Variants in CACNA1D observed in about 807,000 individuals in gnomAD.
CACNA1D encodes the protein calcium voltage-gated channel subunit alpha1 D, also known as voltage-dependent L-type calcium channel subunit alpha-1D.
In CACNA1D, 55 loss-of-function variants were observed where a neutral mutation model predicts 257.1. That is an observed-to-expected ratio of 0.21 (90% CI 0.17 to 0.27). The LOEUF is 0.27. Ranked by LOEUF, CACNA1D falls within the 10% of genes least tolerant of loss-of-function variation. CACNA1D has a pLI of 1.00. For missense variants in CACNA1D, 1,876 were observed against 2,784.0 expected, an observed-to-expected ratio of 0.67 and a Z score of 7.34; for synonymous variants, 980 against 1,014.9, an observed-to-expected ratio of 0.97 and a Z score of 0.65.
At chr3:53,701,035 C>G (rs1383869563) in intron 8 of CACNA1D, among the ~76,000 whole-genome samples, 2 of 151,964 alleles carry the variant, frequency 1.3e-5, no homozygotes, top group Non-Finnish European at 2.9e-5. Context: ...AGTTTCTTAT[C>G]TGAAGTATTA....
At chr3:53,796,368 G>A (rs958038281) in intron 40 of CACNA1D, 12 of 455,982 alleles carry the variant, frequency 2.6e-5, no homozygotes, top group African/African-American at 2.2e-4. Context: ...GTCCCGACTA[G>A]AGACATGCAT....
intron 5 of CACNA1D, among the ~76,000 whole-genome samples, chr3:53,662,965 G>A (rs535433492): frequency 1.3e-5 from 2 of 152,170 alleles, no homozygotes; most frequent in African/African-American, 2.4e-5. Context: ...AACGGGTGTC[G>A]TCTTTTCCTT....
chr3:53,613,096 G>T (rs964541641), intron 3 of CACNA1D, among the ~76,000 whole-genome samples: 1 of 152,176 alleles, frequency 6.6e-6, no homozygotes, highest in East Asian at 1.9e-4. Context: ...AGGGCACTTT[G>T]CTTCTGTGCA....
chr3:53,498,834 GT>G (rs1559752773), intron 2 of CACNA1D, among the ~76,000 whole-genome samples: 1 of 152,206 alleles, frequency 6.6e-6, no homozygotes, highest in African/African-American at 2.4e-5. Context: ...GGGTTCTCAT[GT>G]GCTTTTTCAT....
intron 40 of CACNA1D, chr3:53,790,873 C>A: frequency 1.5e-6 from 1 of 666,344 alleles, no homozygotes. Flanking sequence ...AAGCATGATT[C>A]TACCTGAAGC....
At chr3:53,755,167 A>C (rs1349921459) in intron 29 of CACNA1D, among the ~76,000 whole-genome samples, 1 of 152,226 alleles carries the variant, frequency 6.6e-6, no homozygotes, top group Non-Finnish European at 1.5e-5. Context: ...CAAAGTAAGA[A>C]CATCGAAGGT....
chr3:53,711,060 G>T (rs773446563), intron 9 of CACNA1D, among the ~76,000 whole-genome samples: 3 of 152,150 alleles, frequency 2.0e-5, no homozygotes, highest in Non-Finnish European at 4.4e-5. Flanking sequence ...GTGAGACCCT[G>T]TGTCTACCAA....
chr3:53,738,431 C>T (rs965332532), intron 20 of CACNA1D, among the ~76,000 whole-genome samples: 1 of 152,130 alleles, frequency 6.6e-6, no homozygotes, highest in Admixed American at 6.5e-5. Flanking sequence ...GGTTTAGTTG[C>T]TCTAGATGCC....
chr3:53,532,380 T>C (rs576323195), intron 3 of CACNA1D, among the ~76,000 whole-genome samples: 4 of 152,186 alleles, frequency 2.6e-5, no homozygotes, highest in Non-Finnish European at 4.4e-5. Flanking sequence ...CCAGGCATTG[T>C]CTCCAATAGT....
At chr3:53,507,152 G>T (rs559042683) in intron 3 of CACNA1D, among the ~76,000 whole-genome samples, 1 of 151,614 alleles carries the variant, frequency 6.6e-6, no homozygotes, top group African/African-American at 2.4e-5. Flanking sequence ...ATGGACTCGT[G>T]TAGTAAAACT....
intron 40 of CACNA1D, among the ~76,000 whole-genome samples, chr3:53,788,325 T>C (rs2095466847): frequency 6.6e-6 from 1 of 152,208 alleles, no homozygotes; most frequent in South Asian, 2.1e-4. Flanking sequence ...GACAGTGATC[T>C]TCCTGCCTCT....
At chr3:53,703,062 C>T (rs1425642252) in intron 9 of CACNA1D, among the ~76,000 whole-genome samples, 1 of 152,220 alleles carries the variant, frequency 6.6e-6, no homozygotes, top group African/African-American at 2.4e-5. Flanking sequence ...GTCAAACGGA[C>T]CCACTGTTGG....
At chr3:53,607,663 T>C (rs1004999748) in intron 3 of CACNA1D, among the ~76,000 whole-genome samples, 5 of 152,272 alleles carry the variant, frequency 3.3e-5, no homozygotes, top group African/African-American at 4.8e-5. Context: ...TCCAGACTTA[T>C]AGTTTTAGCT....
At chr3:53,647,090 T>A (rs1474470691) in intron 3 of CACNA1D, among the ~76,000 whole-genome samples, 1 of 152,162 alleles carries the variant, frequency 6.6e-6, no homozygotes, top group African/African-American at 2.4e-5. Context: ...CAGCCTTTGT[T>A]TCTCTAGTGG....
At chr3:53,623,314 T>C (rs1452437313) in intron 3 of CACNA1D, among the ~76,000 whole-genome samples, 1 of 152,272 alleles carries the variant, frequency 6.6e-6, no homozygotes, top group African/African-American at 2.4e-5. Context: ...AAACTCTAGA[T>C]GGTGATATAC....
At chr3:53,579,336 G>A (rs978340111) in intron 3 of CACNA1D, among the ~76,000 whole-genome samples, 1 of 152,148 alleles carries the variant, frequency 6.6e-6, no homozygotes, top group African/African-American at 2.4e-5. Flanking sequence ...AATCATAATT[G>A]CATTTCTCTT....
In CACNA1D at chr3:53,670,728, T is replaced by C. The variant is rs553872850; in HGVS notation, c.1117-2295T>C. Among the ~76,000 whole-genome samples the C allele has an allele frequency of 2.2e-4, 33 of 152,294 alleles. 1 individual carries two copies. Among genetic ancestry groups the C allele is most frequent in the African/African-American group, 7.7e-4 (32 of 41,568 alleles). ...ACCAGATGACACCCCTTGATGACTT[T>C]GATATAAGTTTTTTAAAAATTAGTC... On this transcript the variant is annotated intron_variant, in intron 7 of 47. Coordinates refer to ENST00000350061, the MANE Select transcript of CACNA1D (RefSeq NM_001128840.3).
rs751108445 is a variant in CACNA1D at position 53,800,742 on chromosome 3, A to C, written c.5041-316A>C. The C allele has an allele frequency of 2.0e-6, 1 of 511,650 alleles. No homozygotes were observed. Among genetic ancestry groups the C allele is most frequent in the Admixed American group, 3.2e-5 (1 of 31,024 alleles). The allele number at this position is 511,650 out of a possible 1,614,324, so 31.7% of individuals were successfully genotyped here. A position where few individuals can be genotyped will look rare whatever the true frequency, so the allele number is the denominator to read the frequency against. ...CTGTCAGTCCCCCAGCCCAGAGAGC[A>C]TGCCCAACCTTGGGGCCACCAGCCA... is the stretch of plus-strand genomic sequence containing the variant. On this transcript the variant is annotated intron_variant, in intron 41 of 47. Coordinates refer to ENST00000350061, the MANE Select transcript of CACNA1D (RefSeq NM_001128840.3). The surrounding 1 kb of genome is among the most constrained non-coding windows in gnomAD (Gnocchi z 4.3).
At chr3:53,664,483 G>T (rs1041442166) in intron 5 of CACNA1D, among the ~76,000 whole-genome samples, 4 of 152,174 alleles carry the variant, frequency 2.6e-5, no homozygotes, top group African/African-American at 9.7e-5. Context: ...TCATGACCTG[G>T]ATTCAACACC....
Sources: gnomAD v4.1 joint callset for allele counts (sites outside exome capture counted in the v4.1 genomes callset) on GRCh38, gnomAD v4.1.1 for gene constraint, Gnocchi (gnomAD v3.1) non-coding constraint, MANE v1.5 for transcripts, NCBI Gene and HGNC (gene_info 2026-07-23, HGNC 2026-07-21) for gene names.